The following SHISA9 variants were observed in gnomAD, a reference collection of about 807,000 sequenced individuals.
SHISA9 encodes the protein shisa family member 9.
Under a neutral mutation model 38.0 loss-of-function variants are expected in SHISA9, and 13 were observed. That is an observed-to-expected ratio of 0.34 (90% CI 0.22 to 0.54). The LOEUF is 0.54. Ranked by LOEUF, SHISA9 falls within the 20% of genes least tolerant of loss-of-function variation. The pLI, the probability that SHISA9 is intolerant of heterozygous loss-of-function variation, is 0.91. For synonymous variants in SHISA9, 275 were observed against 242.0 expected, an observed-to-expected ratio of 1.14 and a Z score of -1.27; for missense variants, 538 against 575.8, an observed-to-expected ratio of 0.93 and a Z score of 0.67.
At chr16:13,061,272 C>T (rs952917255) in intron 2 of SHISA9, among the ~76,000 whole-genome samples, 1 of 152,136 alleles carries the variant, frequency 6.6e-6, no homozygotes, top group Non-Finnish European at 1.5e-5. Flanking sequence ...GCCTCACACA[C>T]GGCGTTAAAA....
intron 2 of SHISA9, among the ~76,000 whole-genome samples, chr16:13,006,402 T>C (rs780880748): frequency 6.6e-6 from 1 of 152,116 alleles, no homozygotes; most frequent in Non-Finnish European, 1.5e-5. Context: ...AGCCAACCTG[T>C]GACAGTATTT....
chr16:13,389,487 C>T, the SHISA9 span, among the ~76,000 whole-genome samples: 1 of 152,156 alleles, frequency 6.6e-6, no homozygotes, highest in Non-Finnish European at 1.5e-5. Flanking sequence ...AAATATTATG[C>T]TGTACATCTT....
At chr16:12,946,968 G>C (rs1323358363) in intron 2 of SHISA9, among the ~76,000 whole-genome samples, 1 of 152,232 alleles carries the variant, frequency 6.6e-6, no homozygotes, top group African/African-American at 2.4e-5. Context: ...TAGCAGAGTT[G>C]AGTCGTTGTG....
chr16:13,049,212 A>T (rs1032634699), intron 2 of SHISA9, among the ~76,000 whole-genome samples: 1 of 120,056 alleles, frequency 8.3e-6, no homozygotes, highest in Non-Finnish European at 1.8e-5. Context: ...GTGTATGTGT[A>T]TGTGTCTGTG....
chr16:13,300,579 A>G, the SHISA9 span, among the ~76,000 whole-genome samples: 2 of 152,180 alleles, frequency 1.3e-5, no homozygotes, highest in Non-Finnish European at 2.9e-5. Flanking sequence ...CTGAGCTGCC[A>G]TGAACGAATT....
chr16:12,970,456 CAT>C (rs1181891435), intron 2 of SHISA9, among the ~76,000 whole-genome samples: 71 of 38,516 alleles, frequency 1.8e-3, no homozygotes, highest in Non-Finnish European at 2.2e-3. Context: ...TATATATATA[CAT>C]ATATGTGTGT....
At position 13,152,931 on chromosome 16, in the gene SHISA9, T is replaced by G. The variant is rs1390652186; in HGVS notation, c.692-50463T>G. 2.0e-5 allele frequency among the ~76,000 whole-genome samples: 3 copies of G among 152,356 alleles called. No individual in the cohort carries two copies. In the East Asian group the frequency reaches 5.8e-4, roughly 29 times the overall value. On this transcript the variant is annotated intron_variant, in intron 2 of 4. Transcript: ENST00000558583. Reference sequence around the variant, plus strand: ...AAGATTTTCCTGGATTACCAGGGTATGCCACTATAATCACAAGCTTTCTTT... The same window carrying G: ...AAGATTTTCCTGGATTACCAGGGTAGGCCACTATAATCACAAGCTTTCTTT...
intron 2 of SHISA9, among the ~76,000 whole-genome samples, chr16:12,952,955 T>C (rs1443571739): frequency 5.3e-5 from 8 of 152,172 alleles, no homozygotes; most frequent in Non-Finnish European, 1.5e-5. Context: ...AGGCACTGTG[T>C]ATGAGGCAGG....
At chr16:13,102,416 C>T (rs1220395573) in intron 2 of SHISA9, among the ~76,000 whole-genome samples, 1 of 152,178 alleles carries the variant, frequency 6.6e-6, no homozygotes, top group African/African-American at 2.4e-5. Flanking sequence ...CTTCCAGGTC[C>T]TTCTGTCCTC....
the SHISA9 span, among the ~76,000 whole-genome samples, chr16:13,302,023 C>T: frequency 6.6e-6 from 1 of 152,024 alleles, no homozygotes; most frequent in Non-Finnish European, 1.5e-5. Flanking sequence ...GTGAGGGGTA[C>T]ACACTGATTT....
chr16:13,043,046 G>T (rs1001651477), intron 2 of SHISA9, among the ~76,000 whole-genome samples: 1 of 152,178 alleles, frequency 6.6e-6, no homozygotes, highest in African/African-American at 2.4e-5. Context: ...TCAATTCGGG[G>T]TGCCTGGACA....
At position 13,239,906 on chromosome 16, in the gene SHISA9, G is replaced by A. The variant is rs1038780093; in HGVS notation, c.*4497G>A. On this transcript the variant is annotated 3_prime_UTR_variant, in exon 5 of 5. Transcript: ENST00000558583. ...GACAGACCTCACAATATGGAAAGAC[G>A]GGACAACCTATGGAACTATCTGTGA... 14 of 152,172 alleles carry A rather than the reference G, an allele frequency of 9.2e-5. No homozygotes were observed. The highest frequency in any genetic ancestry group is 3.4e-4 in the African/African-American group (14 of 41,438). 9.4% of individuals were successfully genotyped at this position (152,172 alleles called of 1,614,324 possible). A position where few individuals can be genotyped will look rare whatever the true frequency, so the allele number is the denominator to read the frequency against.
intron 2 of SHISA9, among the ~76,000 whole-genome samples, chr16:13,139,719 A>G (rs1219241190): frequency 2.0e-5 from 3 of 152,136 alleles, no homozygotes; most frequent in Non-Finnish European, 4.4e-5. Flanking sequence ...GGAATTGACC[A>G]TCTGAGGTGG....
chr16:13,390,561 A>G, the SHISA9 span, among the ~76,000 whole-genome samples: 1 of 152,200 alleles, frequency 6.6e-6, no homozygotes, highest in Non-Finnish European at 1.5e-5. Flanking sequence ...TGCTTTCAAC[A>G]CTAAGTCACG....
At chr16:13,207,643 A>G (rs114123056) in intron 3 of SHISA9, among the ~76,000 whole-genome samples, 1 of 152,012 alleles carries the variant, frequency 6.6e-6, no homozygotes, top group Non-Finnish European at 1.5e-5. Flanking sequence ...TTTCTCTGAG[A>G]CATAGGTGGT....
chr16:13,205,006 T>C (rs9926866), intron 3 of SHISA9: 42,123 of 152,040 alleles, frequency 0.28, 6,190 homozygotes, highest in Middle Eastern at 0.38. Context: ...GAAGCAACAG[T>C]CACAGAAAGC....
At chr16:13,357,214 G>A in the SHISA9 span, among the ~76,000 whole-genome samples, 1 of 152,202 alleles carries the variant, frequency 6.6e-6, no homozygotes, top group Non-Finnish European at 1.5e-5. Context: ...TGCCCCCTAG[G>A]AAAGCGGGAC....
chr16:13,236,882 C>T lies in SHISA9; in HGVS notation c.*1473C>T, dbSNP rs1316707296. On this transcript the variant is annotated 3_prime_UTR_variant, in exon 5 of 5. Transcript: ENST00000558583. ...CCCACATACTTCATGTGTTCATCTC[C>T]CATCCAGAATGTCCTGAGGTTGTTT... 3 of 152,178 alleles carry T rather than the reference C, an allele frequency of 2.0e-5. No individual in the cohort carries two copies. Among genetic ancestry groups the T allele is most frequent in the Non-Finnish European group, 4.4e-5 (3 of 68,038 alleles). The allele number at this position is 152,178 out of a possible 1,614,324, so 9.4% of individuals were successfully genotyped here.
At chr16:13,057,583 C>A (rs183725792) in intron 2 of SHISA9, among the ~76,000 whole-genome samples, 1 of 152,016 alleles carries the variant, frequency 6.6e-6, no homozygotes, top group African/African-American at 2.4e-5. Flanking sequence ...AATACACTCC[C>A]GAAGGGATCT....
Sources: allele counts gnomAD v4.1 joint callset (sites outside exome capture counted in the v4.1 genomes callset), GRCh38; gene constraint gnomAD v4.1.1; transcripts MANE v1.5; gene names NCBI Gene and HGNC (gene_info 2026-07-23, HGNC 2026-07-21).